Variants in DACT2 observed in about 807,000 individuals in gnomAD.
The protein encoded by DACT2 is dapper homolog 2.
DACT2 carries 20 observed loss-of-function variants against 22.2 expected under a neutral mutation model. That is an observed-to-expected ratio of 0.90 (90% confidence interval 0.63 to 1.31). The LOEUF is 1.31. Ranked by LOEUF, DACT2 falls within the 50% of genes most tolerant of loss-of-function variation. The pLI is 0.00. For missense variants in DACT2, 1,048 were observed against 1,061.4 expected, an observed-to-expected ratio of 0.99 and a Z score of 0.18; for synonymous variants, 463 against 479.8, an observed-to-expected ratio of 0.96 and a Z score of 0.46.
rs1160156598 is a variant in DACT2 at position 168,307,673 on chromosome 6, C to G, written c.2084G>C (p.Gly695Ala). The part of the protein sequence containing the change: ...ESSDHTTNRF[G>A]DRESSSSDEE... ...GTCGCTGCTGCTGGACTCACGGTCT[C>G]CGAATCGGTTGGTGGTGTGGTCACT... Residue 695 changes from glycine to alanine, a missense_variant, in exon 4 of 4, where the codon GGA (glycine) becomes GCA (alanine). Physicochemically the swap from Gly to Ala is moderately conservative, Grantham distance 60. Transcript: ENST00000366795. This position sits in a 1 kb window ranked among gnomAD's most constrained non-coding sequence, Gnocchi z 5.3. The G allele has an allele frequency of 6.5e-7, 1 of 1,549,676 alleles. No individual in the cohort carries two copies. The highest frequency in any genetic ancestry group is 2.0e-5 in the Admixed American group (1 of 50,940).
rs1779261358 is a variant in DACT2, at chr6:168,307,923, T to C, written c.1834A>G (p.Thr612Ala). 6.5e-7 allele frequency: 1 copy of C among 1,546,140 alleles called. No homozygotes were observed. The highest frequency in any genetic ancestry group is 1.2e-5 in the South Asian group (1 of 84,016). ...CGGGCCCGGGCCGAGATCTCCACGG[T>C]GGACTGCCAGCGGCGATGCTTCCTC... The part of the protein sequence containing the change: ...ARRKHRRWQS[T>A]VEISARARLA... Residue 612 changes from threonine (T) to alanine (A), a missense_variant, in exon 4 of 4, where the codon ACC becomes GCC. Transcript: ENST00000366795. The surrounding 1 kb of genome is among the most constrained non-coding windows in gnomAD (Gnocchi z 5.3).
Position 168,308,314 on chromosome 6 carries a change from T to C in DACT2, c.1443A>G (p.Pro481=). ...CCATTTTCAGGCTGGCAGCAAAGGATGGGTGGGCAAAGTGCCCAGAGGCCG... is the reference window on the plus strand; with the variant it reads ...CCATTTTCAGGCTGGCAGCAAAGGACGGGTGGGCAAAGTGCCCAGAGGCCG... The part of the protein sequence containing the change: ...PSPASGHFAH[P]SFAASLKMGP... The change falls in exon 4 of 4, where the codon CCA becomes CCG. Residue 481 remains proline (P), a synonymous_variant. Coordinates refer to ENST00000366795, the MANE Select transcript of DACT2 (RefSeq NM_214462.5). The C allele has an allele frequency of 1.3e-6, 2 of 1,552,164 alleles. No individual in the cohort carries two copies. Among genetic ancestry groups the C allele is most frequent in the Non-Finnish European group, 1.7e-6 (2 of 1,147,096 alleles).
Position 168,307,796 on chromosome 6 carries a change from T to A in DACT2, c.1961A>T (p.Asp654Val). 2 of 1,542,884 alleles carry A rather than the reference T, an allele frequency of 1.3e-6. No homozygotes were observed. Among genetic ancestry groups the A allele is most frequent in the Non-Finnish European group, 1.7e-6 (2 of 1,146,196 alleles). Residue 654 changes from aspartate to valine, a missense_variant, in exon 4 of 4, where the codon GAC (aspartate) becomes GTC (valine). Asp to Val is a radical substitution (Grantham distance 152). Transcript: ENST00000366795. The surrounding 1 kb of genome is among the most constrained non-coding windows in gnomAD (Gnocchi z 5.3). ...CTCTGAGTCGCTCCTGGTGTAGGCG[T>A]CCTGGCGGACCAGTGAGGGACGGCC... is the stretch of plus-strand genomic sequence containing the variant. ...ARGRPSLVRQDAYTRSDSEPS... is the reference protein window; with the variant it reads ...ARGRPSLVRQVAYTRSDSEPS...
At position 168,307,060 on chromosome 6, in the gene DACT2, G is replaced by C. The variant is rs760444437; in HGVS notation, c.*372C>G. ...TTTAAAATGCTTTTGGGGAGGAATG[G>C]TCAAAGGATTGGGAAACACTTCCCC... On this transcript the variant is annotated 3_prime_UTR_variant, in exon 4 of 4. Coordinates refer to ENST00000366795, the MANE Select transcript of DACT2 (RefSeq NM_214462.5). This position sits in a 1 kb window ranked among gnomAD's most constrained non-coding sequence, Gnocchi z 5.3. 4.1e-4 allele frequency: 425 copies of C among 1,038,382 alleles called. No individual in the cohort carries two copies. The highest frequency in any genetic ancestry group is 4.9e-4 in the Non-Finnish European group (420 of 863,594). 64.3% of individuals were successfully genotyped at this position (1,038,382 alleles called of 1,614,324 possible).
At chr6:168,313,413 T>C (rs1220871315) in intron 1 of DACT2, among the ~76,000 whole-genome samples, 1 of 152,238 alleles carries the variant, frequency 6.6e-6, no homozygotes, top group Non-Finnish European at 1.5e-5. Flanking sequence ...CAAAATGTTA[T>C]GCTTCCAGAA....
At chr6:168,301,807 G>C (rs1318187724) in intron 3 of DACT2, among the ~76,000 whole-genome samples, 1 of 152,210 alleles carries the variant, frequency 6.6e-6, no homozygotes, top group Admixed American at 6.5e-5. Context: ...ACACCCGGCG[G>C]CCTTTGTTTA....
At chr6:168,309,405 A>ACAGGGCCGTTTGCGTGTAGACACAGGGTG (rs1779331378) in intron 3 of DACT2, among the ~76,000 whole-genome samples, 2 of 56,498 alleles carry the variant, frequency 3.5e-5, no homozygotes, top group African/African-American at 7.2e-5. Flanking sequence ...TAGACACCGC[A>ACAGGGCCGTTTGCGTGTAGACACAGGGTG]CAGGGCCGTT....
chr6:168,309,418 CGTGTAGACACAGGGTGCGGGGCCGTTTG>C (rs1562496965), intron 3 of DACT2, among the ~76,000 whole-genome samples: 1 of 151,486 alleles, frequency 6.6e-6, no homozygotes, highest in Admixed American at 6.6e-5. Flanking sequence ...GGGCCGTTTG[CGTGTAGACACAGGGTGCGGGGCCGTTTG>C]CGTGTAGACA....
intron 2 of DACT2, 149 bp from the exon 3 acceptor site, chr6:168,310,595 G>T (rs942135631): frequency 1.8e-6 from 2 of 1,126,794 alleles, no homozygotes; most frequent in Non-Finnish European, 2.5e-6. Flanking sequence ...CCACACGGCC[G>T]GCCTGGGAGA....
At position 168,319,553 on chromosome 6, in the gene DACT2, C is replaced by G. The variant is rs1332557376; in HGVS notation, c.81G>C (p.Ala27=). The part of the protein sequence containing the change: ...RLGARLRAAF[A]GLQELQGLRA... The stretch of plus-strand genomic sequence containing the variant: ...GCAGCCCCTGCAGCTCCTGCAGCCC[C>G]GCGAACGCCGCGCGCAACCTCGCGC... Residue 27 remains alanine (A), a synonymous_variant, in exon 1 of 4, where the codon GCG becomes GCC. Coordinates refer to ENST00000366795, the MANE Select transcript of DACT2 (RefSeq NM_214462.5). The G allele has an allele frequency of 2.9e-6, 4 of 1,376,940 alleles. No homozygotes were observed. Among genetic ancestry groups the G allele is most frequent in the South Asian group, 1.5e-5 (1 of 64,554 alleles). 85.3% of individuals were successfully genotyped at this position (1,376,940 alleles called of 1,614,324 possible).
intron 3 of DACT2, among the ~76,000 whole-genome samples, chr6:168,301,233 G>T (rs1163440514): frequency 6.6e-6 from 1 of 152,288 alleles, no homozygotes; most frequent in Admixed American, 6.5e-5. Context: ...GAGTCCCCAT[G>T]CCCAGACCCT....
At position 168,319,560 on chromosome 6, in the gene DACT2, G is replaced by A; in HGVS notation, c.74C>T (p.Ala25Val). The A allele has an allele frequency of 7.3e-7, 1 of 1,377,200 alleles. No individual in the cohort carries two copies. 85.3% of individuals were successfully genotyped at this position (1,377,200 alleles called of 1,614,324 possible). A position where few individuals can be genotyped will look rare whatever the true frequency, so the allele number is the denominator to read the frequency against. ...CTGCAGCTCCTGCAGCCCCGCGAAC[G>A]CCGCGCGCAACCTCGCGCCCAACCT... ...RRRLGARLRA[A>V]FAGLQELQGL... Residue 25 changes from alanine to valine, a missense_variant, in exon 1 of 4, where the codon GCG (alanine) becomes GTG (valine). Physicochemically the swap from Ala to Val is moderately conservative, Grantham distance 64. Coordinates refer to ENST00000366795, the MANE Select transcript of DACT2 (RefSeq NM_214462.5).
chr6:168,314,249 A>G (rs1779492891), intron 1 of DACT2, among the ~76,000 whole-genome samples: 1 of 152,180 alleles, frequency 6.6e-6, no homozygotes, highest in Non-Finnish European at 1.5e-5. Flanking sequence ...TTCCCTCTGC[A>G]AGCGTTCAGG....
chr6:168,308,564 G>A lies in DACT2; in HGVS notation c.1193C>T (p.Ala398Val), dbSNP rs1443784576. 1 of 1,548,990 alleles carries A rather than the reference G, an allele frequency of 6.5e-7. No individual in the cohort carries two copies. The highest frequency in any genetic ancestry group is 8.7e-7 in the Non-Finnish European group (1 of 1,146,924). Residue 398 changes from alanine to valine, a missense_variant, in exon 4 of 4, where the codon GCC (alanine) becomes GTC (valine). By Grantham distance (64) the Ala-to-Val change is moderately conservative. Transcript: ENST00000366795. ...CTGCTGCTGGGGCCCGCCCCTGCCG[G>A]CACCCCTGCTCTGAGCTGGCCCTCC... ...DEGGPAQSRG[A>V]GRGGPQQQGY...
chr6:168,293,691 G>T (rs532099709), exon 6 of DACT2: 3 of 582,422 alleles, frequency 5.2e-6, no homozygotes, highest in Non-Finnish European at 9.2e-6. Context: ...AACTTTCCAC[G>T]TAAAGGAAAT....
chr6:168,315,471 C>T (rs996302240), intron 1 of DACT2, among the ~76,000 whole-genome samples: 18 of 152,142 alleles, frequency 1.2e-4, no homozygotes, highest in African/African-American at 3.6e-4. Context: ...CCACTTGGGT[C>T]GGAGGGCACG....
intron 3 of DACT2, chr6:168,294,725 A>G: frequency 1.4e-6 from 2 of 1,390,446 alleles, no homozygotes; most frequent in South Asian, 1.5e-5. Context: ...CAAAATGCAA[A>G]TGTGCGTGAG....
chr6:168,300,484 G>A (rs1779084279), intron 3 of DACT2: 4 of 152,206 alleles, frequency 2.6e-5, no homozygotes, highest in Admixed American at 6.5e-5. Flanking sequence ...GTGAGGGGTG[G>A]CGATGGAGGA....
chr6:168,307,956 C>T lies in DACT2; in HGVS notation c.1801G>A (p.Val601Met). The T allele has an allele frequency of 6.4e-7, 1 of 1,550,540 alleles. No homozygotes were observed. The highest frequency in any genetic ancestry group is 8.7e-7 in the Non-Finnish European group (1 of 1,146,890). ...FPFEASLLTS[V>M]ARRKHRRWQS... is the part of the protein sequence containing the mutation. ...CAGCGGCGATGCTTCCTCCTGGCCA[C>T]TGAGGTGAGCAGTGACGCCTCAAAG... The change falls in exon 4 of 4, where the codon GTG becomes ATG. Residue 601 changes from valine (V) to methionine (M), a missense_variant. Val to Met is a conservative substitution (Grantham distance 21). Coordinates refer to ENST00000366795, the MANE Select transcript of DACT2 (RefSeq NM_214462.5). This position sits in a 1 kb window ranked among gnomAD's most constrained non-coding sequence, Gnocchi z 5.3.
Sources: allele counts gnomAD v4.1 joint callset (sites outside exome capture counted in the v4.1 genomes callset), GRCh38; gene constraint gnomAD v4.1.1; non-coding constraint Gnocchi (gnomAD v3.1); transcripts MANE v1.5; gene names NCBI Gene and HGNC (gene_info 2026-07-23, HGNC 2026-07-21).